The following PTPRN2 variants were observed in gnomAD, a reference collection of about 807,000 sequenced individuals.
PTPRN2 encodes receptor-type tyrosine-protein phosphatase N2.
A neutral mutation model predicts 118.8 loss-of-function variants in PTPRN2; 74 were observed. The ratio of observed to expected loss-of-function variants is 0.62; its 90% CI spans 0.52 to 0.76. The LOEUF is 0.76. PTPRN2 is among the 30% of genes least tolerant of loss of function. The pLI is 0.00. For missense variants in PTPRN2, 1,481 were observed against 1,394.4 expected (o/e 1.06, Z -0.99); for synonymous variants, 641 against 608.0 (o/e 1.05, Z -0.80).
intron 10 of PTPRN2, among the ~76,000 whole-genome samples, chr7:158,091,998 G>C (rs1306625210): frequency 2.3e-5 from 2 of 85,226 alleles, no homozygotes; most frequent in Non-Finnish European, 4.6e-5. Flanking sequence ...GGGTGGGTGG[G>C]TGAGGGATAG....
At chr7:157,625,831 T>C (rs189244790) in intron 14 of PTPRN2, among the ~76,000 whole-genome samples, 2 of 152,250 alleles carry the variant, frequency 1.3e-5, no homozygotes, top group East Asian at 3.9e-4. Context: ...GACGGCTTAG[T>C]TTCTTAAGGC....
At position 157,604,070 on chromosome 7, in the gene PTPRN2, G is replaced by T. The variant is rs1030383870; in HGVS notation, c.2350C>A (p.His784Asn). The T allele has an allele frequency of 1.2e-5, 19 of 1,613,612 alleles. No individual in the cohort carries two copies. Among genetic ancestry groups the T allele is most frequent in the Non-Finnish European group, 1.4e-5 (17 of 1,179,982 alleles). Residue 784 changes from histidine to asparagine, a missense_variant, in exon 16 of 23, where the codon CAC (histidine) becomes AAC (asparagine). Physicochemically the swap from His to Asn is moderately conservative, Grantham distance 68. This residue lies in a region of PTPRN2 where 362 missense variants were observed against 384.1 expected (regional missense o/e 0.94). Transcript: ENST00000389418. The part of the protein sequence containing the change: ...NRSLAVLTYD[H>N]SRVLLKAENS... ...TCCGCCTTCAGCAGGACCCGGGAGT[G>T]GTCATCTGCAAGGACACAGTGCAGG...
At chr7:157,833,405 C>T (rs1807712630) in intron 12 of PTPRN2, among the ~76,000 whole-genome samples, 1 of 149,668 alleles carries the variant, frequency 6.7e-6, no homozygotes, top group Non-Finnish European at 1.5e-5. Context: ...TGGGGGGCGC[C>T]CATCCATCCT....
chr7:158,077,510 C>CG (rs1332803355), intron 11 of PTPRN2, among the ~76,000 whole-genome samples: 1 of 141,214 alleles, frequency 7.1e-6, no homozygotes, highest in African/African-American at 2.9e-5. Context: ...AGGAGCCCCC[C>CG]ATGAGCCTCA....
chr7:158,379,499 T>G (rs1023193205), intron 2 of PTPRN2, among the ~76,000 whole-genome samples: 1 of 152,012 alleles, frequency 6.6e-6, no homozygotes. Context: ...AGCCCACAGG[T>G]GGGGGGCTCC....
chr7:158,418,766 G>C (rs376584577), intron 2 of PTPRN2, among the ~76,000 whole-genome samples: 24 of 151,540 alleles, frequency 1.6e-4, no homozygotes, highest in African/African-American at 3.6e-4. Context: ...GTAGCTCTCA[G>C]TGTCCCACTG....
intron 12 of PTPRN2, among the ~76,000 whole-genome samples, chr7:157,731,804 C>T (rs1334266408): frequency 8.0e-5 from 8 of 100,348 alleles, no homozygotes; most frequent in African/African-American, 2.4e-4. Context: ...GCACAGTTAC[C>T]CTTTTCCGCC....
At chr7:158,098,306 G>T (rs111623245) in intron 10 of PTPRN2, among the ~76,000 whole-genome samples, 1 of 152,348 alleles carries the variant, frequency 6.6e-6, no homozygotes, top group Non-Finnish European at 1.5e-5. Flanking sequence ...AGGCCACCGG[G>T]GGGGCTCCCT....
chr7:158,120,379 G>T (rs533993323), intron 9 of PTPRN2, among the ~76,000 whole-genome samples: 1 of 152,288 alleles, frequency 6.6e-6, no homozygotes. Context: ...AAATTGGGAA[G>T]ATGAAACAAG....
chr7:158,382,067 G>A (rs1198443669), intron 2 of PTPRN2, among the ~76,000 whole-genome samples: 3 of 152,282 alleles, frequency 2.0e-5, no homozygotes, highest in South Asian at 2.1e-4. Context: ...CCTAAGGCAG[G>A]TGCCAGTTAC....
At chr7:158,299,565 G>A (rs1367403545) in intron 3 of PTPRN2, among the ~76,000 whole-genome samples, 2 of 152,126 alleles carry the variant, frequency 1.3e-5, no homozygotes, top group Admixed American at 1.3e-4. Context: ...CAGAGTGCTG[G>A]GATTACATGT....
intron 12 of PTPRN2, among the ~76,000 whole-genome samples, chr7:157,724,126 G>A (rs901947869): frequency 5.3e-5 from 8 of 151,874 alleles, no homozygotes; most frequent in Admixed American, 3.3e-4. Context: ...CATCTGAATC[G>A]CGCTGGTGTA....
chr7:157,693,697 T>C (rs902245312), intron 12 of PTPRN2, among the ~76,000 whole-genome samples: 1 of 152,050 alleles, frequency 6.6e-6, no homozygotes, highest in African/African-American at 2.4e-5. Context: ...CCAGGCCGGC[T>C]CCGGGCAGAG....
chr7:158,075,205 A>G (rs1348753180), intron 11 of PTPRN2, among the ~76,000 whole-genome samples: 1 of 152,132 alleles, frequency 6.6e-6, no homozygotes, highest in Admixed American at 6.5e-5. Context: ...GCCAGAAGTA[A>G]TTACCTGGCT....
At chr7:157,921,269 G>A (rs920519088) in intron 11 of PTPRN2, among the ~76,000 whole-genome samples, 1 of 152,178 alleles carries the variant, frequency 6.6e-6, no homozygotes, top group East Asian at 1.9e-4. Flanking sequence ...AGACGTTCTG[G>A]AAAAGAACAA....
At chr7:157,606,690 T>C (rs1177161905) in intron 15 of PTPRN2, among the ~76,000 whole-genome samples, 2 of 152,232 alleles carry the variant, frequency 1.3e-5, no homozygotes, top group Non-Finnish European at 2.9e-5. Context: ...CAGAAGGAAG[T>C]GGCCCCAATC....
At chr7:157,710,422 C>G (rs562670155) in intron 12 of PTPRN2, among the ~76,000 whole-genome samples, 2 of 152,106 alleles carry the variant, frequency 1.3e-5, no homozygotes, top group South Asian at 4.1e-4. Context: ...AGGTGGCCAA[C>G]ACAGTGAGAC....
At chr7:157,614,003 G>C (rs1563263346) in intron 15 of PTPRN2, 1 of 471,156 alleles carries the variant, frequency 2.1e-6, no homozygotes, top group East Asian at 7.0e-5. Flanking sequence ...CCACATTCTT[G>C]CTGGTGGAAG....
At chr7:158,246,652 G>A (rs1018041321) in intron 3 of PTPRN2, among the ~76,000 whole-genome samples, 3 of 151,940 alleles carry the variant, frequency 2.0e-5, no homozygotes, top group African/African-American at 7.3e-5. Context: ...GAAAGTGACT[G>A]CAACCAAAAG....
Sources: allele counts gnomAD v4.1 joint callset (sites outside exome capture counted in the v4.1 genomes callset), GRCh38; gene constraint gnomAD v4.1.1; regional missense constraint gnomAD v4.1.1; transcripts MANE v1.5; gene names NCBI Gene and HGNC (gene_info 2026-07-23, HGNC 2026-07-21).